SLC44A1: variants seen among roughly 807,000 people sequenced by gnomAD.
SLC44A1 encodes solute carrier family 44 member 1, also known as choline transporter-like protein 1.
Under a neutral mutation model 79.3 loss-of-function variants are expected in SLC44A1, and 26 were observed. That is an observed-to-expected ratio of 0.33 (90% CI 0.24 to 0.46). SLC44A1 has a LOEUF of 0.46. Ranked by LOEUF, SLC44A1 falls within the 20% of genes least tolerant of loss-of-function variation. SLC44A1 has a pLI of 1.00. For missense variants in SLC44A1, 688 were observed against 798.1 expected (o/e 0.86, Z 1.66); for synonymous variants, 263 against 286.2 (o/e 0.92, Z 0.82).
chr9:105,351,591 A>G (rs1827424243), intron 5 of SLC44A1, among the ~76,000 whole-genome samples: 2 of 129,844 alleles, frequency 1.5e-5, no homozygotes, highest in African/African-American at 3.5e-5. Context: ...AGAGAAAGAG[A>G]GAAAGAGAAA....
chr9:105,276,198 TAATA>T lies in SLC44A1; in HGVS notation c.37-23018_37-23015del, dbSNP rs555651920. On this transcript the variant is annotated intron_variant, in intron 1 of 15. Transcript: ENST00000374720. ...GTGTCCTTGATCTGAGGAAGCAGCT[TAATA>T]AATCTCTTGAACAGGTTTTCACAGC... Among the ~76,000 whole-genome samples, 3 of 152,322 alleles carry T rather than the reference TAATA, an allele frequency of 2.0e-5. No individual in the cohort carries two copies. In the East Asian group the frequency reaches 5.8e-4, roughly 29 times the overall value.
intron 7 of SLC44A1, 87 bp from the exon 8 acceptor site, chr9:105,361,104 G>C: frequency 7.7e-7 from 1 of 1,300,176 alleles, no homozygotes; most frequent in Non-Finnish European, 1.1e-6. Context: ...ATGATGATCT[G>C]TAGGAAGGGT....
intron 15 of SLC44A1, among the ~76,000 whole-genome samples, chr9:105,406,413 GA>G (rs1406399690): frequency 6.6e-6 from 1 of 152,104 alleles, no homozygotes; most frequent in Non-Finnish European, 1.5e-5. Context: ...GGTACACAAA[GA>G]AATAAGAAAG....
At chr9:105,435,930 G>A (rs1829458439) in intron 15 of SLC44A1, among the ~76,000 whole-genome samples, 1 of 152,238 alleles carries the variant, frequency 6.6e-6, no homozygotes, top group Non-Finnish European at 1.5e-5. Flanking sequence ...GGGCGTGGTG[G>A]CTCACGCCTG....
chr9:105,358,546 G>A, intron 7 of SLC44A1, 113 bp downstream of exon 7: 1 of 669,910 alleles, frequency 1.5e-6, no homozygotes, highest in Non-Finnish European at 2.6e-6. Context: ...CCTCAAGGAA[G>A]ACTGTTAATT....
rs555566402 is a variant in SLC44A1 at position 105,270,048 on chromosome 9, G to A, written c.36+25144G>A. On this transcript the variant is annotated intron_variant, in intron 1 of 15. Coordinates refer to ENST00000374720, the MANE Select transcript of SLC44A1 (RefSeq NM_080546.5). ...GGTTATACATGTAAGGTGCTTTCTT[G>A]TGTTAAAGTGTTAAAATTTATTGAA... Among the ~76,000 whole-genome samples the A allele has an allele frequency of 5.9e-5, 9 of 152,256 alleles. No homozygotes were observed. The South Asian group carries it at 1.9e-3, about 32-fold the overall frequency.
In SLC44A1 at chr9:105,390,037, T is replaced by C; in HGVS notation, c.*981T>C. ...TTAAACGGCCATTTTATTCAAATGCTTGCTATACAATCTGAAAACACACTG... is the reference window on the plus strand; with the variant it reads ...TTAAACGGCCATTTTATTCAAATGCCTGCTATACAATCTGAAAACACACTG... On this transcript the variant is annotated 3_prime_UTR_variant, in exon 16 of 16. Coordinates refer to ENST00000374720, the MANE Select transcript of SLC44A1 (RefSeq NM_080546.5). The C allele has an allele frequency of 7.5e-7, 1 of 1,324,846 alleles. No individual in the cohort carries two copies. The highest frequency in any genetic ancestry group is 2.0e-4 in the Middle Eastern group (1 of 5,098). 82.1% of individuals were successfully genotyped at this position (1,324,846 alleles called of 1,614,324 possible).
chr9:105,289,122 G>T (rs1396846838), intron 1 of SLC44A1, among the ~76,000 whole-genome samples: 1 of 152,194 alleles, frequency 6.6e-6, no homozygotes, highest in Non-Finnish European at 1.5e-5. Flanking sequence ...AAGCGGTAAG[G>T]CCGTCTGTTC....
chr9:105,351,077 C>G (rs1255122926), intron 5 of SLC44A1, among the ~76,000 whole-genome samples: 1 of 152,110 alleles, frequency 6.6e-6, no homozygotes, highest in African/African-American at 2.4e-5. Context: ...GAATAGCTAG[C>G]CAGTATGCTT....
At chr9:105,407,689 A>G (rs1293812658) in intron 15 of SLC44A1, among the ~76,000 whole-genome samples, 2 of 145,030 alleles carry the variant, frequency 1.4e-5, no homozygotes, top group East Asian at 2.1e-4. Context: ...GGCCAACATG[A>G]GGAAGCCTTG....
At chr9:105,351,761 A>G (rs899011774) in intron 5 of SLC44A1, among the ~76,000 whole-genome samples, 1 of 152,176 alleles carries the variant, frequency 6.6e-6, no homozygotes, top group Non-Finnish European at 1.5e-5. Context: ...ACTACATGCC[A>G]GCTATCCCAC....
intron 1 of SLC44A1, among the ~76,000 whole-genome samples, chr9:105,266,673 TTAATAC>T (rs1353906016): frequency 6.6e-6 from 1 of 152,244 alleles, no homozygotes; most frequent in African/African-American, 2.4e-5. Flanking sequence ...TTTGTCTGTC[TTAATAC>T]TAGTACTGTA....
At chr9:105,438,194 C>A in intron 15 of SLC44A1, 2 of 1,081,394 alleles carry the variant, frequency 1.8e-6, no homozygotes, top group Non-Finnish European at 1.4e-6. Flanking sequence ...AAAGACGATC[C>A]CACACTATTT....
intron 1 of SLC44A1, among the ~76,000 whole-genome samples, chr9:105,268,322 T>C (rs2131225305): frequency 6.6e-6 from 1 of 152,246 alleles, no homozygotes; most frequent in East Asian, 1.9e-4. Flanking sequence ...ATTCAGCTTT[T>C]TCGAGTGTAC....
Position 105,279,317 on chromosome 9 carries a change from CTTTTT to C in SLC44A1, c.37-19889_37-19885del, listed in dbSNP as rs35697234. ...CCATTTTAAAACTAGGAAAAGAAAACTTTTTTTTTTTTTTTTTTGAGACGGAGTCT... is the reference window on the plus strand; with the variant it reads ...CCATTTTAAAACTAGGAAAAGAAAACTTTTTTTTTTTTTGAGACGGAGTCT... On this transcript the variant is annotated intron_variant, in intron 1 of 15. Coordinates refer to ENST00000374720, the MANE Select transcript of SLC44A1 (RefSeq NM_080546.5). Among the ~76,000 whole-genome samples, 3 of 133,338 alleles carry C rather than the reference CTTTTT, an allele frequency of 2.2e-5. No homozygotes were observed. In the East Asian group the frequency reaches 6.5e-4, roughly 29 times the overall value. The allele number at this position is 133,338 out of a possible 152,430, so 87.5% of individuals were successfully genotyped here.
Position 105,366,334 on chromosome 9 carries a change from T to TC in SLC44A1, c.1411-7dup. On this transcript the variant is annotated splice_polypyrimidine_tract_variant and intron_variant, in intron 11 of 15. Transcript: ENST00000374720. ...TTGGTTTTTTTATTATTTCCATTTT[T>TC]CCCCCATCCAGGAAAATGCTTGTGC... The TC allele has an allele frequency of 7.0e-7, 1 of 1,430,940 alleles. No homozygotes were observed. The highest frequency in any genetic ancestry group is 9.3e-7 in the Non-Finnish European group (1 of 1,075,542). The allele number at this position is 1,430,940 out of a possible 1,614,324, so 88.6% of individuals were successfully genotyped here. A position where few individuals can be genotyped will look rare whatever the true frequency, so the allele number is the denominator to read the frequency against.
At chr9:105,334,906 G>A (rs1055682207) in intron 3 of SLC44A1, among the ~76,000 whole-genome samples, 23 of 152,066 alleles carry the variant, frequency 1.5e-4, no homozygotes, top group Admixed American at 4.6e-4. Context: ...ATTTACTGCC[G>A]TTATATCAGT....
intron 1 of SLC44A1, among the ~76,000 whole-genome samples, chr9:105,295,773 C>T (rs1830706986): frequency 6.6e-6 from 1 of 151,966 alleles, no homozygotes; most frequent in African/African-American, 2.4e-5. Context: ...GGGGGGAGGG[C>T]GCCAAAGACT....
chr9:105,369,441 A>G (rs1051317622), intron 12 of SLC44A1, among the ~76,000 whole-genome samples: 2 of 152,148 alleles, frequency 1.3e-5, no homozygotes, highest in Non-Finnish European at 2.9e-5. Flanking sequence ...TAATCCATTC[A>G]TGAGAGTAGA....
Sources: gnomAD v4.1 joint callset for allele counts (sites outside exome capture counted in the v4.1 genomes callset) on GRCh38, gnomAD v4.1.1 for gene constraint, MANE v1.5 for transcripts, NCBI Gene and HGNC (gene_info 2026-07-23, HGNC 2026-07-21) for gene names.